Variants in CGGBP1 observed in about 807,000 individuals in gnomAD.
The protein encoded by CGGBP1 is CGG triplet repeat-binding protein 1.
In CGGBP1, 4 loss-of-function variants were observed where a neutral mutation model predicts 11.4. That is an observed-to-expected ratio of 0.35 (90% CI 0.17 to 0.80). The LOEUF (loss-of-function observed/expected upper bound fraction) is 0.80, where lower values mean the gene tolerates loss of function less well. Ranked by LOEUF, CGGBP1 falls within the 30% of genes least tolerant of loss-of-function variation. CGGBP1 has a pLI of 0.52. For synonymous variants in CGGBP1, 76 were observed against 74.1 expected (o/e 1.03, Z -0.13); for missense variants, 135 against 202.1 (o/e 0.67, Z 2.01).
intron 2 of CGGBP1, among the ~76,000 whole-genome samples, chr3:88,070,508 C>CA (rs946383552): frequency 6.8e-6 from 1 of 147,542 alleles, no homozygotes; most frequent in African/African-American, 2.5e-5. Flanking sequence ...TCAGACATAC[C>CA]AAAAAAAGTT....
chr3:88,101,276 A>G (rs545884739), intron 2 of CGGBP1, among the ~76,000 whole-genome samples: 1 of 152,286 alleles, frequency 6.6e-6, no homozygotes, highest in South Asian at 2.1e-4. Context: ...ATTTGCATTC[A>G]GTCCCCAGTG....
In CGGBP1 at chr3:88,054,967, AT is replaced by A. The variant is rs1706508999; in HGVS notation, c.*505del. 1 of 151,744 alleles carries A rather than the reference AT, an allele frequency of 6.6e-6. No individual in the cohort carries two copies. The highest frequency in any genetic ancestry group is 1.5e-5 in the Non-Finnish European group (1 of 68,020). The allele number at this position is 151,744 out of a possible 1,614,324, so 9.4% of individuals were successfully genotyped here. ...AAAACATAGTTTGAAATAAACAGTC[AT>A]TTCTGCTAGGGATCTGAAGATATAA... On this transcript the variant is annotated 3_prime_UTR_variant, in exon 4 of 4. Coordinates refer to ENST00000482016, the MANE Select transcript of CGGBP1 (RefSeq NM_001008390.2).
intron 2 of CGGBP1, among the ~76,000 whole-genome samples, chr3:88,073,431 T>G (rs1434707826): frequency 6.6e-6 from 1 of 152,122 alleles, no homozygotes; most frequent in Non-Finnish European, 1.5e-5. Flanking sequence ...AAATACTGTT[T>G]TAAGATACCA....
chr3:88,076,378 C>T (rs1055282052), intron 2 of CGGBP1, among the ~76,000 whole-genome samples: 27 of 151,698 alleles, frequency 1.8e-4, no homozygotes, highest in Non-Finnish European at 3.4e-4. Flanking sequence ...AATTTTTTTT[C>T]CCCATTTTCA....
At chr3:88,086,156 G>A (rs551314576) in intron 2 of CGGBP1, 22 of 1,074,622 alleles carry the variant, frequency 2.0e-5, no homozygotes, top group African/African-American at 9.5e-5. Flanking sequence ...TGTTCATGCC[G>A]ATCTAATATT....
chr3:88,128,507 T>C (rs1034716936), intron 2 of CGGBP1, among the ~76,000 whole-genome samples: 3 of 152,108 alleles, frequency 2.0e-5, no homozygotes, highest in African/African-American at 7.2e-5. Flanking sequence ...TTGGAACATA[T>C]TTTAACATAT....
intron 2 of CGGBP1, among the ~76,000 whole-genome samples, chr3:88,090,004 A>C (rs1370684816): frequency 1.3e-5 from 2 of 152,200 alleles, no homozygotes; most frequent in African/African-American, 2.4e-5. Context: ...TGCTGGTGTA[A>C]ACAAACCTAC....
intron 2 of CGGBP1, among the ~76,000 whole-genome samples, chr3:88,094,191 G>C (rs1703916667): frequency 6.6e-6 from 1 of 151,178 alleles, no homozygotes; most frequent in Admixed American, 6.6e-5. Flanking sequence ...TATTACACTA[G>C]AGTATTTTGT....
intron 2 of CGGBP1, among the ~76,000 whole-genome samples, chr3:88,111,807 C>T (rs1018513222): frequency 1.3e-5 from 2 of 151,858 alleles, no homozygotes; most frequent in African/African-American, 4.8e-5. Flanking sequence ...GGTCCTGTTT[C>T]TATACACCAA....
intron 2 of CGGBP1, among the ~76,000 whole-genome samples, chr3:88,121,017 G>A (rs113339018): frequency 0.041 from 6,240 of 151,906 alleles, 371 homozygotes; most frequent in African/African-American, 0.13. Context: ...TGGGTTGATA[G>A]GTGCAGAAAA....
intron 2 of CGGBP1, among the ~76,000 whole-genome samples, chr3:88,124,090 T>C (rs1705939217): frequency 6.6e-6 from 1 of 152,174 alleles, no homozygotes; most frequent in African/African-American, 2.4e-5. Context: ...CCAAGGAAAC[T>C]AGATGCCCTA....
At chr3:88,082,545 C>T (rs1450298084) in intron 2 of CGGBP1, among the ~76,000 whole-genome samples, 7 of 152,138 alleles carry the variant, frequency 4.6e-5, no homozygotes, top group Non-Finnish European at 1.0e-4. Flanking sequence ...AAGTTGATGA[C>T]AATGGGAGTC....
chr3:88,058,579 G>A (rs1706640841), intron 1 of CGGBP1, among the ~76,000 whole-genome samples: 1 of 152,228 alleles, frequency 6.6e-6, no homozygotes, highest in Non-Finnish European at 1.5e-5. Flanking sequence ...CCGAGTCCCA[G>A]GTGCCAGCTG....
At chr3:88,068,094 T>TAAG (rs1203175140) in intron 2 of CGGBP1, among the ~76,000 whole-genome samples, 1 of 152,138 alleles carries the variant, frequency 6.6e-6, no homozygotes, top group Non-Finnish European at 1.5e-5. Context: ...GTTCATCTAT[T>TAAG]AAGAGTACAT....
At chr3:88,063,536 A>G (rs1300114162), upstream of CGGBP1, among the ~76,000 whole-genome samples, 2 of 152,182 alleles carry the variant, frequency 1.3e-5, no homozygotes, top group East Asian at 3.8e-4. Context: ...GGATTTACAT[A>G]ATACTTATTA....
At chr3:88,123,696 G>T (rs1270514183) in intron 2 of CGGBP1, among the ~76,000 whole-genome samples, 1 of 152,172 alleles carries the variant, frequency 6.6e-6, no homozygotes, top group Admixed American at 6.5e-5. Flanking sequence ...AAGTCCCATA[G>T]TACTGACTGA....
intron 2 of CGGBP1, chr3:88,095,840 A>G (rs1393480490): frequency 2.2e-6 from 1 of 459,482 alleles, no homozygotes; most frequent in East Asian, 6.2e-5. Context: ...TGTGCTCCTC[A>G]GAAAAGCCTT....
chr3:88,079,117 G>A (rs1479686263), intron 2 of CGGBP1, among the ~76,000 whole-genome samples: 1 of 152,014 alleles, frequency 6.6e-6, no homozygotes, highest in Non-Finnish European at 1.5e-5. Context: ...ATGAAAAAGA[G>A]CATTTTTGCT....
At chr3:88,070,209 A>G (rs1399732886) in intron 2 of CGGBP1, among the ~76,000 whole-genome samples, 2 of 152,156 alleles carry the variant, frequency 1.3e-5, no homozygotes, top group Non-Finnish European at 2.9e-5. Context: ...CTTCTGAGGA[A>G]TTATAAATTT....
Sources: gnomAD v4.1 joint callset for allele counts (sites outside exome capture counted in the v4.1 genomes callset) on GRCh38, gnomAD v4.1.1 for gene constraint, MANE v1.5 for transcripts, NCBI Gene and HGNC (gene_info 2026-07-23, HGNC 2026-07-21) for gene names.